Variants in RFX8 observed in about 807,000 individuals in gnomAD.
The protein encoded by RFX8 is DNA-binding protein RFX8.
Under a neutral mutation model 54.6 loss-of-function variants are expected in RFX8, and 46 were observed. That is an observed-to-expected ratio of 0.84 (90% CI 0.67 to 1.08). The LOEUF (loss-of-function observed/expected upper bound fraction) is 1.08. Ranked by LOEUF, RFX8 falls within the 50% of genes least tolerant of loss-of-function variation. The probability of loss-of-function intolerance (pLI) is 0.00; values close to 1 mark genes in which losing one functional copy is unlikely to be tolerated. For synonymous variants in RFX8, 192 were observed against 209.5 expected (o/e 0.92, Z 0.72); for missense variants, 536 against 562.3 (o/e 0.95, Z 0.47).
In RFX8 at chr2:101,410,137, G is replaced by A. The variant is rs577664025; in HGVS notation, c.813+482C>T. ...ACTCCCTTTGCTGCAATACACACCT[G>A]CAGACGCAGTCACCCACACCCACTT... On this transcript the variant is annotated intron_variant, in intron 9 of 11. Coordinates refer to ENST00000428343, the MANE Select transcript of RFX8 (RefSeq NM_001145664.2). Among the ~76,000 whole-genome samples, 8 of 151,938 alleles carry A rather than the reference G, an allele frequency of 5.3e-5. No individual in the cohort carries two copies. In the South Asian group the frequency reaches 1.5e-3, roughly 28 times the overall value.
At chr2:101,449,967 G>A (rs1243592264) in intron 2 of RFX8, among the ~76,000 whole-genome samples, 2 of 152,144 alleles carry the variant, frequency 1.3e-5, no homozygotes, top group Non-Finnish European at 2.9e-5. Context: ...AAATTTTGCA[G>A]AAAGGTTGAG....
At chr2:101,456,999 G>A (rs1689007003) in intron 2 of RFX8, among the ~76,000 whole-genome samples, 1 of 152,184 alleles carries the variant, frequency 6.6e-6, no homozygotes, top group South Asian at 2.1e-4. Context: ...GCGTAGAGGT[G>A]TTTATACTAT....
At chr2:101,426,610 G>A (rs1189725758) in intron 2 of RFX8, among the ~76,000 whole-genome samples, 2 of 152,160 alleles carry the variant, frequency 1.3e-5, no homozygotes, top group Non-Finnish European at 2.9e-5. Flanking sequence ...GAAATTCTAC[G>A]TGGATTCTTT....
At position 101,397,730 on chromosome 2, in the gene RFX8, A is replaced by G. The variant is rs1685208202; in HGVS notation, c.1246-6T>C. The G allele has an allele frequency of 6.5e-7, 1 of 1,544,404 alleles. No homozygotes were observed. The highest frequency in any genetic ancestry group is 1.4e-5 in the African/African-American group (1 of 72,612). ...TCCAACAGCACCTGGATGAGCTGCA[A>G]GAGGGAAATGTTTTAAGGGAAAAGA... On this transcript the variant is annotated splice_region_variant and splice_polypyrimidine_tract_variant and intron_variant, in intron 11 of 11. Transcript: ENST00000428343.
chr2:101,426,325 G>A (rs185879546), intron 2 of RFX8, among the ~76,000 whole-genome samples: 1 of 151,778 alleles, frequency 6.6e-6, no homozygotes, highest in Admixed American at 6.6e-5. Flanking sequence ...CATAGTAAGA[G>A]CCTGTCTCTA....
rs1322696103 is a variant in RFX8 at position 101,475,005 on chromosome 2, A to G, written c.-422T>C. ...CAGTGCCACCTCAACGTGAGTCCCC[A>G]TATCTGTAGCCAGGTCCTGCCAGTC... On this transcript the variant is annotated 5_prime_UTR_variant, in exon 1 of 12. It removes an upstream start codon present in the reference 5' UTR. Coordinates refer to ENST00000428343, the MANE Select transcript of RFX8 (RefSeq NM_001145664.2). Among the ~76,000 whole-genome samples the G allele has an allele frequency of 6.6e-6, 1 of 152,158 alleles. No individual in the cohort carries two copies. Among genetic ancestry groups the G allele is most frequent in the African/African-American group, 2.4e-5 (1 of 41,444 alleles).
At chr2:101,437,773 TCCCAA>T in intron 2 of RFX8, among the ~76,000 whole-genome samples, 1 of 11,434 alleles carries the variant, frequency 8.7e-5, no homozygotes, top group Non-Finnish European at 5.4e-4. Flanking sequence ...ATCTTAAATT[TCCCAA>T]GTTTTACTTA....
intron 2 of RFX8, chr2:101,450,627 T>C (rs1688623679): frequency 5.3e-6 from 8 of 1,515,796 alleles, no homozygotes; most frequent in Non-Finnish European, 7.1e-6. Flanking sequence ...CAGGTAGCAA[T>C]ACTGGGCATA....
intron 2 of RFX8, among the ~76,000 whole-genome samples, chr2:101,451,672 A>C (rs1331584813): frequency 8.1e-6 from 1 of 124,214 alleles, no homozygotes; most frequent in African/African-American, 3.2e-5. Flanking sequence ...CTGGGCGACA[A>C]GGGTGAAACT....
chr2:101,404,435 T>C (rs1685612309), intron 10 of RFX8, among the ~76,000 whole-genome samples: 1 of 152,136 alleles, frequency 6.6e-6, no homozygotes, highest in Admixed American at 6.5e-5. Context: ...AGACTAGATT[T>C]CTTTTCTTTT....
intron 2 of RFX8, among the ~76,000 whole-genome samples, chr2:101,460,052 G>A (rs757608918): frequency 6.6e-6 from 1 of 152,280 alleles, no homozygotes; most frequent in Admixed American, 6.5e-5. Context: ...CACTGAGCCA[G>A]GCACAGGAGG....
intron 2 of RFX8, among the ~76,000 whole-genome samples, chr2:101,438,608 T>C (rs575665315): frequency 3.0e-4 from 46 of 152,306 alleles, no homozygotes; most frequent in African/African-American, 9.1e-4. Context: ...AAGGTGCAGT[T>C]GCTGGTTTGG....
At chr2:101,427,177 C>T (rs1210818762) in intron 2 of RFX8, among the ~76,000 whole-genome samples, 1 of 152,122 alleles carries the variant, frequency 6.6e-6, no homozygotes, top group Non-Finnish European at 1.5e-5. Flanking sequence ...AGAATCAGGC[C>T]CCTCCACCCC....
Position 101,413,014 on chromosome 2 carries a change from G to A in RFX8, c.619C>T (p.Gln207Ter). The change falls in exon 8 of 12, where the codon CAG (glutamine) becomes TAG (stop). Residue 207 changes from glutamine (Q) to a stop codon, truncating the protein, a stop_gained. Transcript: ENST00000428343. LOFTEE classifies it high-confidence loss of function. ...AAAGTGCCTTGATTGATGATGGCCT[G>A]TAGATCTGACTTCAAAACGCTGACA... is the stretch of plus-strand genomic sequence containing the variant. ...RRVSVLKSDL[Q>*]AIINQGTLAT... is the part of the protein sequence containing the mutation. The A allele has an allele frequency of 6.4e-7, 1 of 1,552,082 alleles. No homozygotes were observed. Among genetic ancestry groups the A allele is most frequent in the Non-Finnish European group, 8.7e-7 (1 of 1,147,012 alleles).
intron 2 of RFX8, among the ~76,000 whole-genome samples, chr2:101,428,539 T>C (rs898492577): frequency 6.6e-6 from 1 of 152,182 alleles, no homozygotes; most frequent in Non-Finnish European, 1.5e-5. Context: ...TAAGACAGTA[T>C]CCAAGTACTA....
intron 11 of RFX8, among the ~76,000 whole-genome samples, chr2:101,400,575 G>A (rs546313557): frequency 1.3e-5 from 2 of 152,246 alleles, no homozygotes; most frequent in South Asian, 4.1e-4. Flanking sequence ...CTCCCTCCCC[G>A]GTTGCAAAAG....
intron 2 of RFX8, among the ~76,000 whole-genome samples, chr2:101,437,844 G>A (rs1055279258): frequency 6.5e-5 from 9 of 138,910 alleles, no homozygotes; most frequent in African/African-American, 2.4e-4. Flanking sequence ...CTACACAATC[G>A]TATCACCTGT....
intron 8 of RFX8, among the ~76,000 whole-genome samples, chr2:101,411,277 CAG>C (rs989313309): frequency 1.2e-4 from 19 of 152,190 alleles, no homozygotes; most frequent in African/African-American, 4.3e-4. Flanking sequence ...GCATACCAAG[CAG>C]AGTTTGGAAA....
intron 2 of RFX8, chr2:101,434,939 T>G (rs921756063): frequency 1.3e-5 from 2 of 152,358 alleles, no homozygotes; most frequent in Non-Finnish European, 2.9e-5. Flanking sequence ...GGGCCTTGGC[T>G]GCACACACAG....
Sources: gnomAD v4.1 joint callset for allele counts (sites outside exome capture counted in the v4.1 genomes callset) on GRCh38, gnomAD v4.1.1 for gene constraint, MANE v1.5 for transcripts, NCBI Gene and HGNC (gene_info 2026-07-23, HGNC 2026-07-21) for gene names.